CREBBP: variants seen among roughly 807,000 people sequenced by gnomAD.
CREBBP encodes the protein CREB-binding protein.
CREBBP carries 19 observed loss-of-function variants against 265.0 expected under a neutral mutation model. The ratio of observed to expected loss-of-function variants is 0.07; its 90% CI spans 0.05 to 0.11. The LOEUF (loss-of-function observed/expected upper bound fraction) is 0.11, where lower values mean the gene tolerates loss of function less well. Ranked by LOEUF, CREBBP falls within the 10% of genes least tolerant of loss-of-function variation. The pLI, the probability that CREBBP is intolerant of heterozygous loss-of-function variation, is 1.00. For missense variants in CREBBP, 2,525 were observed against 3,219.0 expected, an observed-to-expected ratio of 0.78 and a Z score of 5.22; for synonymous variants, 1,457 against 1,223.7, an observed-to-expected ratio of 1.19 and a Z score of -3.98.
intron 18 of CREBBP, 112 bp from the exon 19 acceptor site, chr16:3,757,488 C>G: frequency 3.9e-6 from 4 of 1,024,218 alleles, no homozygotes; most frequent in South Asian, 1.4e-5. Context: ...GTATATTAGA[C>G]AGTTTTCTAA....
chr16:3,862,420 G>A (rs1330369458), intron 1 of CREBBP, among the ~76,000 whole-genome samples: 1 of 152,024 alleles, frequency 6.6e-6, no homozygotes, highest in Non-Finnish European at 1.5e-5. Context: ...TTGCTCTGTC[G>A]CCCAGGCTGG....
chr16:3,773,618 G>A, intron 13 of CREBBP, 133 bp downstream of exon 13: 1 of 934,332 alleles, frequency 1.1e-6, no homozygotes. Flanking sequence ...AAAACAAAGA[G>A]AAGCTGATAC....
At chr16:3,813,524 T>C (rs1311964746) in intron 2 of CREBBP, among the ~76,000 whole-genome samples, 2 of 152,262 alleles carry the variant, frequency 1.3e-5, no homozygotes, top group Admixed American at 6.5e-5. Flanking sequence ...TCTTATTACA[T>C]ATAACCAAAC....
At chr16:3,843,006 G>C (rs1228625755) in intron 2 of CREBBP, among the ~76,000 whole-genome samples, 1 of 144,378 alleles carries the variant, frequency 6.9e-6, no homozygotes, top group East Asian at 2.0e-4. Context: ...TTAGGAATGA[G>C]AAGAGAAATA....
chr16:3,810,927 A>G (rs1375000223), intron 2 of CREBBP, 148 bp from the exon 3 acceptor site: 5 of 792,282 alleles, frequency 6.3e-6, no homozygotes, highest in Non-Finnish European at 1.0e-5. Context: ...TCCAAGCAGA[A>G]GGCTCATGAA....
At chr16:3,761,127 T>A (rs1205483695) in intron 16 of CREBBP, among the ~76,000 whole-genome samples, 1 of 152,104 alleles carries the variant, frequency 6.6e-6, no homozygotes, top group East Asian at 1.9e-4. Context: ...GCTAATTTTG[T>A]ATTTTTAGTA....
intron 2 of CREBBP, among the ~76,000 whole-genome samples, chr16:3,815,805 C>T (rs1248421237): frequency 4.0e-5 from 6 of 151,796 alleles, no homozygotes; most frequent in Non-Finnish European, 5.9e-5. Flanking sequence ...ATAAACAATC[C>T]AATTACAGTC....
At chr16:3,780,679 G>A in intron 8 of CREBBP, 53 bp downstream of exon 8, 1 of 1,597,962 alleles carries the variant, frequency 6.3e-7, no homozygotes, top group Middle Eastern at 2.0e-4. Flanking sequence ...GTAGCCAATG[G>A]GCAACACAGG....
rs2053541632 is a variant in CREBBP, at chr16:3,793,244, T to G, written c.1216+142A>C. On this transcript the variant is annotated intron_variant, in intron 4 of 30. Transcript: ENST00000262367. ...CCTGACTGTCGTCGCGTGGGGAACG[T>G]GAGCGCAACATGTCTTGCCACACCC... The G allele has an allele frequency of 3.5e-6, 4 of 1,127,790 alleles. No homozygotes were observed. In the African/African-American group the frequency reaches 6.1e-5, roughly 17 times the overall value. 69.9% of individuals were successfully genotyped at this position (1,127,790 alleles called of 1,614,324 possible).
chr16:3,869,970 C>T (rs775238135), intron 1 of CREBBP, among the ~76,000 whole-genome samples: 38 of 152,134 alleles, frequency 2.5e-4, no homozygotes, highest in Non-Finnish European at 1.6e-4. Context: ...AAACAAAAAC[C>T]GATTCCCACA....
Position 3,778,831 on chromosome 16 carries a change from A to G in CREBBP, c.1824-14T>C, listed in dbSNP as rs377564042. The G allele has an allele frequency of 1.2e-6, 2 of 1,607,078 alleles. No individual in the cohort carries two copies. Among genetic ancestry groups the G allele is most frequent in the Non-Finnish European group, 8.5e-7 (1 of 1,174,158 alleles). On this transcript the variant is annotated splice_polypyrimidine_tract_variant and intron_variant, in intron 8 of 30. Coordinates refer to ENST00000262367, the MANE Select transcript of CREBBP (RefSeq NM_004380.3). ...ATGGCTTGGACGCTGAAAGGATAAC[A>G]CATCTATCAAACTACTTTTTTTTTT...
At chr16:3,760,280 T>C (rs906825099) in intron 16 of CREBBP, among the ~76,000 whole-genome samples, 2 of 151,530 alleles carry the variant, frequency 1.3e-5, no homozygotes, top group African/African-American at 4.9e-5. Flanking sequence ...TTTATGGAGA[T>C]GAGGTCTCAC....
chr16:3,746,482 A>G (rs540564301), intron 21 of CREBBP, among the ~76,000 whole-genome samples: 1 of 152,226 alleles, frequency 6.6e-6, no homozygotes, highest in Admixed American at 6.5e-5. Context: ...CCTTTCCTCC[A>G]GTGCTTATCC....
At chr16:3,733,264 A>G (rs1223816325) in intron 28 of CREBBP, among the ~76,000 whole-genome samples, 1 of 150,950 alleles carries the variant, frequency 6.6e-6, no homozygotes, top group African/African-American at 2.4e-5. Flanking sequence ...CGGGAGGCTG[A>G]GGCAGGAGAA....
chr16:3,791,328 C>T (rs929816075), intron 5 of CREBBP: 12 of 153,872 alleles, frequency 7.8e-5, no homozygotes, highest in Non-Finnish European at 1.4e-4. Flanking sequence ...CGTAACCAGC[C>T]GTGCCGAGGG....
At chr16:3,814,213 TTCTGTGTGTG>T (rs2053993161) in intron 2 of CREBBP, among the ~76,000 whole-genome samples, 2 of 85,270 alleles carry the variant, frequency 2.3e-5, no homozygotes, top group East Asian at 6.7e-4. Context: ...CAGAGTCTCG[TTCTGTGTGTG>T]TGTGTGTGTG....
intron 2 of CREBBP, among the ~76,000 whole-genome samples, chr16:3,818,951 C>G (rs944845355): frequency 2.0e-5 from 3 of 152,374 alleles, no homozygotes; most frequent in Middle Eastern, 3.4e-3. Flanking sequence ...CCACAGCCCC[C>G]ACTAGAGGCT....
At position 3,855,687 on chromosome 16, in the gene CREBBP, A is replaced by G. The variant is rs80324168; in HGVS notation, c.86-4678T>C. 6.9e-3 allele frequency among the ~76,000 whole-genome samples: 1,056 copies of G among 152,370 alleles called. 12 individuals are homozygous for G. The highest frequency in any genetic ancestry group is 0.017 in the Middle Eastern group (5 of 294). On this transcript the variant is annotated intron_variant, in intron 1 of 30. Coordinates refer to ENST00000262367, the MANE Select transcript of CREBBP (RefSeq NM_004380.3). ...GAGAAAGGAATCTGATCCCGGATAC[A>G]GCAGACAGTTCCATGAGGGCACAGG... is the stretch of plus-strand genomic sequence containing the variant.
chr16:3,786,091 A>C (rs1018579202), intron 5 of CREBBP, among the ~76,000 whole-genome samples: 15 of 152,250 alleles, frequency 9.9e-5, no homozygotes, highest in Non-Finnish European at 1.3e-4. Context: ...AACTGGGTGC[A>C]GTGGCTCATG....
Sources: allele counts gnomAD v4.1 joint callset (sites outside exome capture counted in the v4.1 genomes callset), GRCh38; gene constraint gnomAD v4.1.1; transcripts MANE v1.5; gene names NCBI Gene and HGNC (gene_info 2026-07-23, HGNC 2026-07-21).